EFCAB11: variants seen among roughly 807,000 people sequenced by gnomAD.
EFCAB11 encodes EF-hand calcium binding domain 11, also known as EF-hand calcium-binding domain-containing protein 11.
Under a neutral mutation model 23.0 loss-of-function variants are expected in EFCAB11, and 14 were observed. That is an observed-to-expected ratio of 0.61 (90% CI 0.40 to 0.95). The LOEUF is 0.95. EFCAB11 is among the 40% of genes least tolerant of loss of function. EFCAB11 has a pLI of 0.00. For synonymous variants in EFCAB11, 65 were observed against 66.6 expected (o/e 0.98, Z 0.11); for missense variants, 198 against 195.8 (o/e 1.01, Z -0.07).
At position 89,891,289 on chromosome 14, in the gene EFCAB11, A is replaced by G. The variant is rs552061445; in HGVS notation, c.410+40252T>C. On this transcript the variant is annotated intron_variant, in intron 5 of 5. Coordinates refer to ENST00000316738, the MANE Select transcript of EFCAB11 (RefSeq NM_145231.4). ...CAGAAGCAGACATAAATAGACTTCA[A>G]CTAGAGGTTCTATGTTTAAAAATAA... Among the ~76,000 whole-genome samples, 4 of 152,386 alleles carry G rather than the reference A, an allele frequency of 2.6e-5. No individual in the cohort carries two copies. The South Asian group carries it at 6.2e-4, about 24-fold the overall frequency.
chr14:89,850,187 T>C (rs1359002196), intron 5 of EFCAB11, among the ~76,000 whole-genome samples: 1 of 152,266 alleles, frequency 6.6e-6, no homozygotes, highest in Non-Finnish European at 1.5e-5. Flanking sequence ...TCTAAGCCTC[T>C]GCACATACTA....
intron 5 of EFCAB11, among the ~76,000 whole-genome samples, chr14:89,838,065 A>G (rs1367235885): frequency 6.6e-6 from 1 of 152,216 alleles, no homozygotes; most frequent in Non-Finnish European, 1.5e-5. Context: ...CCTGGGGTTG[A>G]GACAATTCCC....
At chr14:89,859,270 A>C (rs989364100) in intron 5 of EFCAB11, among the ~76,000 whole-genome samples, 1 of 152,226 alleles carries the variant, frequency 6.6e-6, no homozygotes, top group Non-Finnish European at 1.5e-5. Flanking sequence ...ATCTGCAAAC[A>C]GAAGAAAGGG....
intron 5 of EFCAB11, among the ~76,000 whole-genome samples, chr14:89,918,143 C>T (rs1433489339): frequency 6.6e-6 from 1 of 151,852 alleles, no homozygotes; most frequent in East Asian, 1.9e-4. Flanking sequence ...GTGGGAATGG[C>T]TGATGGAGAA....
chr14:89,856,286 T>C (rs1215245820), intron 5 of EFCAB11, among the ~76,000 whole-genome samples: 14 of 151,890 alleles, frequency 9.2e-5, no homozygotes, highest in Non-Finnish European at 1.8e-4. Flanking sequence ...CCTCCCAGGT[T>C]TGGGTGATTA....
intron 2 of EFCAB11, among the ~76,000 whole-genome samples, chr14:89,951,988 G>GT (rs1891185700): frequency 6.6e-6 from 1 of 152,046 alleles, no homozygotes; most frequent in African/African-American, 2.4e-5. Flanking sequence ...TATTATATAA[G>GT]TATTTTATTG....
chr14:89,954,421 C>T, intron 1 of EFCAB11, 165 bp downstream of exon 1: 1 of 1,536,454 alleles, frequency 6.5e-7, no homozygotes, highest in Non-Finnish European at 8.7e-7. Flanking sequence ...GGACGGGGAG[C>T]CAGGAGCCCT....
At chr14:89,923,709 AT>A (rs1890092926) in intron 5 of EFCAB11, 1 of 985,404 alleles carries the variant, frequency 1.0e-6, no homozygotes. Context: ...TTAGGTACTC[AT>A]TTTAATAACT....
At chr14:89,902,257 C>G (rs982869574) in intron 5 of EFCAB11, among the ~76,000 whole-genome samples, 4 of 152,214 alleles carry the variant, frequency 2.6e-5, no homozygotes, top group Non-Finnish European at 5.9e-5. Flanking sequence ...CCCTCAAAAA[C>G]ATCTTCCCTA....
chr14:89,884,673 CA>C (rs1160551578), intron 5 of EFCAB11, among the ~76,000 whole-genome samples: 3 of 152,186 alleles, frequency 2.0e-5, no homozygotes, highest in Non-Finnish European at 4.4e-5. Flanking sequence ...TATACTATTA[CA>C]ATTACTAAGA....
chr14:89,846,632 T>G (rs575737634), intron 5 of EFCAB11, among the ~76,000 whole-genome samples: 2 of 152,326 alleles, frequency 1.3e-5, no homozygotes, highest in African/African-American at 4.8e-5. Context: ...CACAACTCCC[T>G]GTACTCACAA....
intron 5 of EFCAB11, among the ~76,000 whole-genome samples, chr14:89,900,689 T>C (rs547753897): frequency 6.6e-6 from 1 of 152,326 alleles, no homozygotes; most frequent in Non-Finnish European, 1.5e-5. Flanking sequence ...GAGGAAAATC[T>C]ATTAAACCAC....
At chr14:89,853,611 C>T (rs1266073223) in intron 5 of EFCAB11, among the ~76,000 whole-genome samples, 2 of 152,098 alleles carry the variant, frequency 1.3e-5, no homozygotes, top group Non-Finnish European at 1.5e-5. Context: ...ACTTCACCTG[C>T]CACACTGGCT....
chr14:89,815,289 T>C (rs1418706683), intron 5 of EFCAB11, among the ~76,000 whole-genome samples: 1 of 152,194 alleles, frequency 6.6e-6, no homozygotes, highest in Non-Finnish European at 1.5e-5. Context: ...GTCATAAGTG[T>C]ACATGTGAAA....
chr14:89,798,544 C>G (rs1334969683), intron 5 of EFCAB11, among the ~76,000 whole-genome samples: 1 of 152,048 alleles, frequency 6.6e-6, no homozygotes. Context: ...GTATTTTTTC[C>G]CAAGGAATTG....
intron 5 of EFCAB11, among the ~76,000 whole-genome samples, chr14:89,865,888 G>A (rs1439299791): frequency 2.6e-5 from 4 of 151,770 alleles, no homozygotes; most frequent in Non-Finnish European, 4.4e-5. Context: ...GGCTGGTCTC[G>A]AACTCTTGAC....
rs529949349 is a variant in EFCAB11, at chr14:89,895,889, G to T, written c.410+35652C>A. 2.1e-3 allele frequency among the ~76,000 whole-genome samples: 318 copies of T among 152,234 alleles called. 1 individual carries two copies. Among genetic ancestry groups the T allele is most frequent in the African/African-American group, 7.2e-3 (300 of 41,534 alleles). On this transcript the variant is annotated intron_variant, in intron 5 of 5. Transcript: ENST00000316738. ...GGAGAAGATATTTGTTAACTAGACC[G>T]AATATTTGTACTGAGAACACATATA...
intron 5 of EFCAB11, among the ~76,000 whole-genome samples, chr14:89,885,695 GAGAGAGAA>G (rs1483757855): frequency 1.4e-5 from 2 of 144,476 alleles, no homozygotes; most frequent in Non-Finnish European, 3.0e-5. Context: ...AAGAGAGAAA[GAGAGAGAA>G]AGAGAGAAAG....
At chr14:89,814,055 T>C (rs1251038933) in intron 5 of EFCAB11, among the ~76,000 whole-genome samples, 1 of 149,520 alleles carries the variant, frequency 6.7e-6, no homozygotes, top group Non-Finnish European at 1.5e-5. Flanking sequence ...TTACTGAAAA[T>C]AGCTCCCTGG....
Sources: allele counts gnomAD v4.1 joint callset (sites outside exome capture counted in the v4.1 genomes callset), GRCh38; gene constraint gnomAD v4.1.1; transcripts MANE v1.5; gene names NCBI Gene and HGNC (gene_info 2026-07-23, HGNC 2026-07-21).